GRM5: variants seen among roughly 807,000 people sequenced by gnomAD.
GRM5 encodes the protein metabotropic glutamate receptor 5.
GRM5 carries 19 observed loss-of-function variants against 83.1 expected under a neutral mutation model. The ratio of observed to expected loss-of-function variants is 0.23; its 90% CI spans 0.16 to 0.34. The LOEUF (loss-of-function observed/expected upper bound fraction) is 0.34, where lower values mean the gene tolerates loss of function less well. Among genes scored for constraint, GRM5 ranks in the 10% least tolerant of loss-of-function variants. GRM5 has a pLI of 1.00. For synonymous variants in GRM5, 675 were observed against 633.6 expected, an observed-to-expected ratio of 1.07 and a Z score of -0.98; for missense variants, 1,160 against 1,588.3, an observed-to-expected ratio of 0.73 and a Z score of 4.58.
At chr11:88,891,436 C>T (rs1945142794) in intron 2 of GRM5, among the ~76,000 whole-genome samples, 2 of 152,022 alleles carry the variant, frequency 1.3e-5, no homozygotes, top group Non-Finnish European at 2.9e-5. Context: ...TGATGCGTGG[C>T]TTTCTAGATT....
In GRM5 at chr11:88,883,099, T is replaced by C. The variant is rs377515227; in HGVS notation, c.662-32944A>G. On this transcript the variant is annotated intron_variant, in intron 2 of 9. Transcript: ENST00000305447. ...TAACCAGTCTTGGGTATGTCTTTAA[T>C]AGCAGTGTGAGAACAGACTAATACA... Among the ~76,000 whole-genome samples, 19 of 152,334 alleles carry C rather than the reference T, an allele frequency of 1.2e-4. No homozygotes were observed. The South Asian group carries it at 1.9e-3, about 15-fold the overall frequency.
intron 2 of GRM5, among the ~76,000 whole-genome samples, chr11:88,961,733 G>A (rs181583396): frequency 1.3e-4 from 20 of 152,142 alleles, no homozygotes; most frequent in African/African-American, 4.1e-4. Context: ...TTTGTCATCT[G>A]GCATTGAGCA....
At chr11:88,936,762 C>T (rs1937910637) in intron 2 of GRM5, among the ~76,000 whole-genome samples, 1 of 151,618 alleles carries the variant, frequency 6.6e-6, no homozygotes, top group African/African-American at 2.4e-5. Flanking sequence ...AAACAAACAC[C>T]AAGATATAAG....
chr11:88,709,221 G>C (rs1238805627), intron 3 of GRM5, among the ~76,000 whole-genome samples: 1 of 151,858 alleles, frequency 6.6e-6, no homozygotes, highest in Non-Finnish European at 1.5e-5. Flanking sequence ...GCAAGAAAGG[G>C]AGTGGCATGT....
At chr11:88,862,410 A>AT (rs1168687639) in intron 2 of GRM5, among the ~76,000 whole-genome samples, 3 of 152,206 alleles carry the variant, frequency 2.0e-5, no homozygotes, top group East Asian at 3.9e-4. Context: ...AAATATAGTC[A>AT]TTTTCATAAA....
intron 7 of GRM5, among the ~76,000 whole-genome samples, chr11:88,577,443 C>A (rs1446441175): frequency 6.6e-6 from 1 of 152,128 alleles, no homozygotes; most frequent in Non-Finnish European, 1.5e-5. Context: ...ACAGCTACAG[C>A]ATTTCACTCT....
At chr11:88,600,955 C>A (rs116657576) in intron 5 of GRM5, among the ~76,000 whole-genome samples, 2,876 of 152,050 alleles carry the variant, frequency 0.019, 87 homozygotes, top group African/African-American at 0.065. Flanking sequence ...TGGGGTTGGA[C>A]AATCACAGAG....
At chr11:88,810,793 A>T (rs759422722) in intron 3 of GRM5, among the ~76,000 whole-genome samples, 4 of 152,124 alleles carry the variant, frequency 2.6e-5, no homozygotes, top group Non-Finnish European at 5.9e-5. Context: ...AATAAAAAAG[A>T]GTTTTGTTTA....
intron 3 of GRM5, among the ~76,000 whole-genome samples, chr11:88,711,344 C>A (rs1225327374): frequency 6.6e-6 from 1 of 152,122 alleles, no homozygotes; most frequent in African/African-American, 2.4e-5. Flanking sequence ...AAAGAGCCTA[C>A]TGATGCCATG....
chr11:88,752,076 A>T (rs1377459084), intron 3 of GRM5, among the ~76,000 whole-genome samples: 1 of 152,214 alleles, frequency 6.6e-6, no homozygotes. Flanking sequence ...ACCTCCTATT[A>T]AACATAGTAT....
intron 2 of GRM5, among the ~76,000 whole-genome samples, chr11:88,957,078 C>A (rs1938640282): frequency 6.6e-6 from 1 of 152,132 alleles, no homozygotes; most frequent in Non-Finnish European, 1.5e-5. Context: ...ATAGAATATA[C>A]TATGCAAATG....
chr11:88,642,865 T>C (rs116285234), intron 4 of GRM5, among the ~76,000 whole-genome samples: 28 of 152,244 alleles, frequency 1.8e-4, no homozygotes, highest in African/African-American at 6.7e-4. Flanking sequence ...ATCATTTTGG[T>C]CACTAACATT....
chr11:88,664,274 C>A (rs931882384), intron 3 of GRM5, among the ~76,000 whole-genome samples: 73 of 151,672 alleles, frequency 4.8e-4, no homozygotes, highest in African/African-American at 1.7e-3. Flanking sequence ...TACAGTTGGC[C>A]CTCCATATCC....
At chr11:88,692,043 G>GA (rs776146360) in intron 3 of GRM5, among the ~76,000 whole-genome samples, 19 of 152,262 alleles carry the variant, frequency 1.2e-4, no homozygotes, top group Admixed American at 5.2e-4. Flanking sequence ...TTCTGCCCCA[G>GA]AAACACTGGA....
At position 88,556,006 on chromosome 11, in the gene GRM5, G is replaced by A. The variant is rs116106412; in HGVS notation, c.2630+11047C>T. On this transcript the variant is annotated intron_variant, in intron 8 of 9. Transcript: ENST00000305447. ...GGGAAATGGCTAAAACTCACAAACC[G>A]CCTTTAAACCCTGAGGAAAGTTTGA... Among the ~76,000 whole-genome samples, 1,282 of 152,102 alleles carry A rather than the reference G, an allele frequency of 8.4e-3. 16 individuals carry two copies. Among genetic ancestry groups the A allele is most frequent in the East Asian group, 0.065 (335 of 5,162 alleles).
chr11:88,511,839 C>T (rs943930266), intron 9 of GRM5: 2 of 152,220 alleles, frequency 1.3e-5, no homozygotes, highest in African/African-American at 4.8e-5. Flanking sequence ...CAACTACACC[C>T]TTTCTCCTAT....
At chr11:89,049,542 G>A (rs921051872) in intron 1 of GRM5, among the ~76,000 whole-genome samples, 6 of 152,118 alleles carry the variant, frequency 3.9e-5, no homozygotes, top group African/African-American at 1.4e-4. Context: ...GGTTTCAAAG[G>A]TCATCAAATC....
At chr11:88,783,676 C>T (rs12794001) in intron 3 of GRM5, among the ~76,000 whole-genome samples, 1 of 152,206 alleles carries the variant, frequency 6.6e-6, no homozygotes, top group South Asian at 2.1e-4. Context: ...TACCCATACT[C>T]ATCTTGGATG....
In GRM5 at chr11:88,717,643, C is replaced by T. The variant is rs117784807; in HGVS notation, c.912-64240G>A. Among the ~76,000 whole-genome samples the T allele has an allele frequency of 8.6e-4, 130 of 151,878 alleles. No homozygotes were observed. The Middle Eastern group carries it at 0.014, about 16-fold the overall frequency. ...CATATAGCAAAATATCGTTCTACAA[C>T]TATGTAATTATGTTTCTGAATAATA... is the stretch of plus-strand genomic sequence containing the variant. On this transcript the variant is annotated intron_variant, in intron 3 of 9. Coordinates refer to ENST00000305447, the MANE Select transcript of GRM5 (RefSeq NM_001143831.3).
Sources: allele counts gnomAD v4.1 joint callset (sites outside exome capture counted in the v4.1 genomes callset), GRCh38; gene constraint gnomAD v4.1.1; transcripts MANE v1.5; gene names NCBI Gene and HGNC (gene_info 2026-07-23, HGNC 2026-07-21).